TMEM117: variants seen among roughly 807,000 people sequenced by gnomAD.
TMEM117 encodes the protein transmembrane protein 117.
Under a neutral mutation model 52.4 loss-of-function variants are expected in TMEM117, and 27 were observed. That is an observed-to-expected ratio of 0.51 (90% CI 0.38 to 0.71). The LOEUF (loss-of-function observed/expected upper bound fraction) is 0.71. TMEM117 is among the 30% of genes least tolerant of loss of function. The pLI, the probability that TMEM117 is intolerant of heterozygous loss-of-function variation, is 0.00. For synonymous variants in TMEM117, 215 were observed against 206.3 expected, an observed-to-expected ratio of 1.04 and a Z score of -0.36; for missense variants, 556 against 630.5, an observed-to-expected ratio of 0.88 and a Z score of 1.26.
At chr12:44,358,080 A>C (rs939957023) in intron 6 of TMEM117, among the ~76,000 whole-genome samples, 1 of 152,196 alleles carries the variant, frequency 6.6e-6, no homozygotes, top group African/African-American at 2.4e-5. Context: ...ACAGGAAACC[A>C]AATACCACAT....
chr12:43,908,408 A>G (rs1290580281), intron 2 of TMEM117, among the ~76,000 whole-genome samples: 2 of 118,960 alleles, frequency 1.7e-5, no homozygotes, highest in African/African-American at 5.3e-5. Flanking sequence ...AAATGTAAAG[A>G]CCATCGAGAC....
At chr12:43,991,922 G>A (rs924475147) in intron 3 of TMEM117, among the ~76,000 whole-genome samples, 2 of 152,120 alleles carry the variant, frequency 1.3e-5, no homozygotes, top group African/African-American at 4.8e-5. Context: ...AAGTTTGGGA[G>A]GCCTAGGCGG....
chr12:43,969,494 C>G (rs908320848), intron 3 of TMEM117, among the ~76,000 whole-genome samples: 3 of 151,486 alleles, frequency 2.0e-5, no homozygotes, highest in African/African-American at 7.3e-5. Flanking sequence ...TGCACTCCAG[C>G]CTGGGCAACA....
intron 3 of TMEM117, among the ~76,000 whole-genome samples, chr12:44,115,540 A>ATTT (rs113273559): frequency 6.8e-6 from 1 of 146,954 alleles, no homozygotes; most frequent in Non-Finnish European, 1.5e-5. Flanking sequence ...ATAGTATGGG[A>ATTT]TTTTTTTTTT....
chr12:43,900,477 T>C (rs1944285282), intron 2 of TMEM117, among the ~76,000 whole-genome samples: 1 of 152,162 alleles, frequency 6.6e-6, no homozygotes, highest in Admixed American at 6.6e-5. Flanking sequence ...CCCAGCATTT[T>C]GGGAGGCCGA....
At chr12:44,386,125 T>C (rs1952084771) in intron 7 of TMEM117, among the ~76,000 whole-genome samples, 1 of 152,294 alleles carries the variant, frequency 6.6e-6, no homozygotes, top group South Asian at 2.1e-4. Flanking sequence ...ATGGTTTGTA[T>C]CACTCATTTG....
chr12:44,140,354 T>C (rs994327949), intron 3 of TMEM117, among the ~76,000 whole-genome samples: 1 of 150,326 alleles, frequency 6.7e-6, no homozygotes, highest in African/African-American at 2.5e-5. Context: ...TAGGATTTAA[T>C]GTATGGAGAT....
chr12:43,934,638 A>G lies in TMEM117; in HGVS notation c.278-9572A>G, dbSNP rs932255983. Reference sequence around the variant, plus strand: ...AACCTCTTTTGAATTTCACATTGTAATCTTTGTTAGTATTATATGAGATTG... The same window carrying G: ...AACCTCTTTTGAATTTCACATTGTAGTCTTTGTTAGTATTATATGAGATTG... On this transcript the variant is annotated intron_variant, in intron 2 of 7. Transcript: ENST00000266534. Among the ~76,000 whole-genome samples, 3 of 151,936 alleles carry G rather than the reference A, an allele frequency of 2.0e-5. No homozygotes were observed. In the East Asian group the frequency reaches 5.8e-4, roughly 29 times the overall value.
chr12:44,228,380 A>G (rs1949890005), intron 5 of TMEM117, among the ~76,000 whole-genome samples: 1 of 152,150 alleles, frequency 6.6e-6, no homozygotes, highest in Admixed American at 6.6e-5. Context: ...AATTTGACAA[A>G]TAGTTTTTAC....
At position 44,389,448 on chromosome 12, in the gene TMEM117, A is replaced by G. The variant is rs190128717; in HGVS notation, c.*776A>G. The G allele has an allele frequency of 3.3e-5, 5 of 152,658 alleles. No individual in the cohort carries two copies. Among genetic ancestry groups the G allele is most frequent in the East Asian group, 1.9e-4 (1 of 5,180 alleles). 9.5% of individuals were successfully genotyped at this position (152,658 alleles called of 1,614,324 possible). A position where few individuals can be genotyped will look rare whatever the true frequency, so the allele number is the denominator to read the frequency against. On this transcript the variant is annotated 3_prime_UTR_variant, in exon 8 of 8. Coordinates refer to ENST00000266534, the MANE Select transcript of TMEM117 (RefSeq NM_032256.3). ...AGAGACACAGTTGGGCGAACTCTCA[A>G]ATTTATTGGCATTTACACAAAGTCC...
intron 3 of TMEM117, among the ~76,000 whole-genome samples, chr12:43,980,496 T>C (rs1441773147): frequency 6.6e-6 from 1 of 152,188 alleles, no homozygotes; most frequent in African/African-American, 2.4e-5. Flanking sequence ...AAGCAGCTGC[T>C]TCAATACTTT....
chr12:44,327,474 G>A (rs1180462777), intron 6 of TMEM117, among the ~76,000 whole-genome samples: 1 of 152,126 alleles, frequency 6.6e-6, no homozygotes, highest in Non-Finnish European at 1.5e-5. Context: ...TATACAGTAT[G>A]TTAACTAAAA....
chr12:43,976,419 G>A (rs569378568), intron 3 of TMEM117, among the ~76,000 whole-genome samples: 43 of 152,120 alleles, frequency 2.8e-4, no homozygotes, highest in African/African-American at 1.7e-4. Context: ...AGCTGGCAAC[G>A]CTCACATTTA....
intron 4 of TMEM117, among the ~76,000 whole-genome samples, chr12:44,182,856 G>A (rs1028389343): frequency 1.3e-5 from 2 of 152,130 alleles, no homozygotes. Context: ...TTCATTTGAT[G>A]TGTAGTTAAA....
At chr12:43,803,345 G>A in the TMEM117 span, among the ~76,000 whole-genome samples, 1 of 152,128 alleles carries the variant, frequency 6.6e-6, no homozygotes, top group Non-Finnish European at 1.5e-5. Flanking sequence ...CCCAGGGTAA[G>A]GAGGTCAGAA....
chr12:43,994,002 T>C (rs1945988305), intron 3 of TMEM117, among the ~76,000 whole-genome samples: 1 of 152,180 alleles, frequency 6.6e-6, no homozygotes, highest in African/African-American at 2.4e-5. Flanking sequence ...GACAAGATTT[T>C]TATTTTCTTT....
chr12:43,850,772 T>C (rs1427708137), intron 2 of TMEM117, among the ~76,000 whole-genome samples: 1 of 152,222 alleles, frequency 6.6e-6, no homozygotes, highest in Non-Finnish European at 1.5e-5. Context: ...TAAATGTTTC[T>C]GCCCTGGTTC....
intron 5 of TMEM117, among the ~76,000 whole-genome samples, chr12:44,230,952 C>T (rs1234653721): frequency 6.6e-6 from 1 of 151,970 alleles, no homozygotes; most frequent in African/African-American, 2.4e-5. Context: ...AACACACATA[C>T]ACACATACAC....
At chr12:44,195,340 T>C (rs1488928658) in intron 4 of TMEM117, among the ~76,000 whole-genome samples, 4 of 152,192 alleles carry the variant, frequency 2.6e-5, no homozygotes, top group Admixed American at 1.3e-4. Flanking sequence ...CATCCCTGCA[T>C]TGAATCCCTC....
Sources: gnomAD v4.1 joint callset for allele counts (sites outside exome capture counted in the v4.1 genomes callset) on GRCh38, gnomAD v4.1.1 for gene constraint, MANE v1.5 for transcripts, NCBI Gene and HGNC (gene_info 2026-07-23, HGNC 2026-07-21) for gene names.